The following SDK2 variants were observed in gnomAD, a reference collection of about 807,000 sequenced individuals.
SDK2 encodes protein sidekick-2.
Under a neutral mutation model 253.9 loss-of-function variants are expected in SDK2, and 105 were observed. The observed-to-expected ratio is 0.41, with a 90% confidence interval of 0.35 to 0.49. SDK2 has a LOEUF of 0.49. SDK2 is among the 20% of genes least tolerant of loss of function. The pLI is 0.06. For missense variants in SDK2, 2,608 were observed against 3,003.0 expected, an observed-to-expected ratio of 0.87 and a Z score of 3.07; for synonymous variants, 1,249 against 1,234.9, an observed-to-expected ratio of 1.01 and a Z score of -0.24.
At chr17:73,448,401 G>C (rs1237612474) in intron 4 of SDK2, among the ~76,000 whole-genome samples, 1 of 151,684 alleles carries the variant, frequency 6.6e-6, no homozygotes, top group Non-Finnish European at 1.5e-5. Context: ...GTCTCGATCT[G>C]TTGCCCAGGC....
chr17:73,579,952 T>A (rs1599696824), intron 1 of SDK2, among the ~76,000 whole-genome samples: 1 of 145,554 alleles, frequency 6.9e-6, no homozygotes, highest in East Asian at 2.0e-4. Context: ...CATTCCAGCC[T>A]GGGGGACAAG....
intron 6 of SDK2, among the ~76,000 whole-genome samples, chr17:73,439,318 A>G (rs1035011101): frequency 1.3e-5 from 2 of 152,154 alleles, no homozygotes; most frequent in Admixed American, 6.5e-5. Flanking sequence ...GTAAATTACC[A>G]TGTCTCAGGT....
chr17:73,365,232 G>A (rs1421400945), intron 38 of SDK2, 26 bp downstream of exon 38: 3 of 1,536,298 alleles, frequency 2.0e-6, no homozygotes, highest in Non-Finnish European at 2.6e-6. Context: ...GGGGGGCTGG[G>A]GAGCTGTGCT....
intron 8 of SDK2, 124 bp downstream of exon 8, chr17:73,437,611 CCAGA>C (rs981583820): frequency 9.7e-6 from 8 of 821,082 alleles, no homozygotes; most frequent in Non-Finnish European, 1.7e-5. Flanking sequence ...GCTCAGACAG[CCAGA>C]CAGACTCTCT....
chr17:73,399,115 G>A (rs535040698), intron 22 of SDK2, 53 bp downstream of exon 22: 2 of 1,598,228 alleles, frequency 1.3e-6, no homozygotes, highest in African/African-American at 2.7e-5. Context: ...TTGCACTCAA[G>A]GGCACGGGGT....
At position 73,435,620 on chromosome 17, in the gene SDK2, C is replaced by A. The variant is rs1325713408; in HGVS notation, c.1025G>T (p.Trp342Leu). ...CTCCACCACGGCTGCGTCCTTGTAC[C>A]AGGTGATGGAGGGCGGCGGCACACC... ...AKGVPPPSITWYKDAAVVEVE... is the reference protein window; with the variant it reads ...AKGVPPPSITLYKDAAVVEVE... The change falls in exon 9 of 45, where the codon TGG becomes TTG. Residue 342 changes from tryptophan to leucine, a missense_variant. Physicochemically the swap from Trp to Leu is moderately conservative, Grantham distance 61. This residue lies in a region of SDK2 where 1,505 missense variants were observed against 1,859.1 expected (regional missense o/e 0.81). Transcript: ENST00000392650. The surrounding 1 kb of genome is among the most constrained non-coding windows in gnomAD (Gnocchi z 5.7). The A allele has an allele frequency of 6.4e-7, 1 of 1,571,920 alleles. No homozygotes were observed. Among genetic ancestry groups the A allele is most frequent in the Non-Finnish European group, 8.6e-7 (1 of 1,158,254 alleles).
intron 11 of SDK2, 44 bp from the exon 12 acceptor site, chr17:73,430,657 G>A (rs936057877): frequency 1.5e-6 from 2 of 1,330,136 alleles, no homozygotes; most frequent in Admixed American, 5.7e-5. Flanking sequence ...GAGGTGTGGG[G>A]GCTGTGTGGC....
At chr17:73,517,851 TTACC>T (rs2064042076) in intron 1 of SDK2, 1 of 152,520 alleles carries the variant, frequency 6.6e-6, no homozygotes, top group South Asian at 2.1e-4. Context: ...GAGCCCTTTC[TTACC>T]TTCTTTACCA....
chr17:73,601,022 A>T (rs560856517), intron 1 of SDK2, among the ~76,000 whole-genome samples: 2,718 of 143,326 alleles, frequency 0.019, 62 homozygotes, highest in African/African-American at 0.056. Flanking sequence ...TTAAAAAAAA[A>T]TTTTTTTTTT....
rs150420669 is a variant in SDK2 at position 73,577,827 on chromosome 17, G to A, written c.64+66198C>T. On this transcript the variant is annotated intron_variant, in intron 1 of 44. Coordinates refer to ENST00000392650, the MANE Select transcript of SDK2 (RefSeq NM_001144952.2). ...CCTGATCCCTGGAACCTGTGAATAC[G>A]TTCTGTTATGTGGCAAAGATGGAAT... is the stretch of plus-strand genomic sequence containing the variant. Among the ~76,000 whole-genome samples the A allele has an allele frequency of 5.3e-5, 8 of 152,248 alleles. 1 individual carries two copies. Among genetic ancestry groups the A allele is most frequent in the African/African-American group, 1.7e-4 (7 of 41,542 alleles).
At chr17:73,390,141 C>T (rs1349495548) in intron 29 of SDK2, 146 bp downstream of exon 29, 5 of 712,548 alleles carry the variant, frequency 7.0e-6, no homozygotes, top group Non-Finnish European at 1.1e-5. Context: ...CCCTTGCTGA[C>T]TTTGACTTCA....
chr17:73,611,063 C>T (rs1408660564), intron 1 of SDK2, among the ~76,000 whole-genome samples: 2 of 152,186 alleles, frequency 1.3e-5, no homozygotes, highest in African/African-American at 4.8e-5. Flanking sequence ...TGCTAGAAAT[C>T]CAAGTCATCG....
In SDK2 at chr17:73,352,697, C is replaced by T; in HGVS notation, c.5594-60G>A. 1 of 1,567,156 alleles carries T rather than the reference C, an allele frequency of 6.4e-7. No individual in the cohort carries two copies. On this transcript the variant is annotated intron_variant, in intron 40 of 44. Transcript: ENST00000392650. This position sits in a 1 kb window ranked among gnomAD's most constrained non-coding sequence, Gnocchi z 4.1. ...GAGGGGAAGCCCCAAATCCCGCTCC[C>T]AGCCCCGTTCTGACTATGCTCCCTG... is the stretch of plus-strand genomic sequence containing the variant.
rs1166735439 is a variant in SDK2, at chr17:73,435,334, A to T, written c.1195+116T>A. 9.4e-7 allele frequency: 1 copy of T among 1,059,690 alleles called. No homozygotes were observed. Among genetic ancestry groups the T allele is most frequent in the East Asian group, 2.8e-5 (1 of 36,138 alleles). 65.6% of individuals were successfully genotyped at this position (1,059,690 alleles called of 1,614,324 possible). ...GCTGGGCAGCAGGCGGCCTTTGGGGATCCTATCTGCTTAATGGAACGTGCT... is the reference window on the plus strand; with the variant it reads ...GCTGGGCAGCAGGCGGCCTTTGGGGTTCCTATCTGCTTAATGGAACGTGCT... On this transcript the variant is annotated intron_variant, in intron 9 of 44. Coordinates refer to ENST00000392650, the MANE Select transcript of SDK2 (RefSeq NM_001144952.2). This position sits in a 1 kb window ranked among gnomAD's most constrained non-coding sequence, Gnocchi z 5.7.
rs185328883 is a variant in SDK2, at chr17:73,568,945, G to A, written c.65-61348C>T. 3.7e-3 allele frequency among the ~76,000 whole-genome samples: 563 copies of A among 152,316 alleles called. 3 individuals carry two copies. The highest frequency in any genetic ancestry group is 7.6e-3 in the African/African-American group (316 of 41,572). ...TCTCCCTAAAAAGTGCACACAGGGG[G>A]CAAAGGTTGAAAAAGCACCTATTAT... On this transcript the variant is annotated intron_variant, in intron 1 of 44. Coordinates refer to ENST00000392650, the MANE Select transcript of SDK2 (RefSeq NM_001144952.2).
rs750602395 is a variant in SDK2, at chr17:73,435,559, G to A, written c.1086C>T (p.Asp362=). 11 of 1,589,958 alleles carry A rather than the reference G, an allele frequency of 6.9e-6. No individual in the cohort carries two copies. The highest frequency in any genetic ancestry group is 5.4e-5 in the African/African-American group (4 of 74,306). ...CCAGGCCGCTGATCTGCAGGCCCCC[G>A]TCGTTGCGCTGCCGGAAGCGGGTCA... ...EKLTRFRQRN[D]GGLQISGLVP... The change falls in exon 9 of 45, where the codon GAC becomes GAT. Residue 362 remains aspartate, a synonymous_variant. Transcript: ENST00000392650. The surrounding 1 kb of genome is among the most constrained non-coding windows in gnomAD (Gnocchi z 5.7).
intron 1 of SDK2, among the ~76,000 whole-genome samples, chr17:73,514,909 C>T (rs1010922960): frequency 6.6e-6 from 1 of 152,132 alleles, no homozygotes; most frequent in African/African-American, 2.4e-5. Context: ...GCTCCTTACC[C>T]CTGGTGGACC....
intron 31 of SDK2, among the ~76,000 whole-genome samples, 155 bp from the exon 32 acceptor site, chr17:73,386,072 G>A (rs2062869595): frequency 6.6e-6 from 1 of 152,154 alleles, no homozygotes; most frequent in Admixed American, 6.5e-5. Context: ...AGAACAAAGG[G>A]CTGGTGTAAA....
At chr17:73,596,392 C>A (rs2045758793) in intron 1 of SDK2, among the ~76,000 whole-genome samples, 1 of 152,162 alleles carries the variant, frequency 6.6e-6, no homozygotes, top group South Asian at 2.1e-4. Context: ...TGAACATTGG[C>A]CGGAGCTCCA....
Sources: gnomAD v4.1 joint callset for allele counts (sites outside exome capture counted in the v4.1 genomes callset) on GRCh38, gnomAD v4.1.1 for gene constraint, gnomAD v4.1.1 regional missense constraint, Gnocchi (gnomAD v3.1) non-coding constraint, MANE v1.5 for transcripts, NCBI Gene and HGNC (gene_info 2026-07-23, HGNC 2026-07-21) for gene names.